The following TANC1 variants were observed in gnomAD, a reference collection of about 807,000 sequenced individuals.
TANC1 encodes protein TANC1.
In TANC1, 77 loss-of-function variants were observed where a neutral mutation model predicts 149.7. The observed-to-expected ratio is 0.51, with a 90% CI of 0.43 to 0.62. The LOEUF (loss-of-function observed/expected upper bound fraction) is 0.62. Ranked by LOEUF, TANC1 falls within the 20% of genes least tolerant of loss-of-function variation. The pLI, the probability that TANC1 is intolerant of heterozygous loss-of-function variation, is 0.00. For missense variants in TANC1, 1,985 were observed against 2,321.8 expected (o/e 0.85, Z 2.98); for synonymous variants, 854 against 925.0 (o/e 0.92, Z 1.39).
chr2:159,120,348 G>A (rs1400399077), intron 4 of TANC1, among the ~76,000 whole-genome samples: 1 of 152,104 alleles, frequency 6.6e-6, no homozygotes, highest in Non-Finnish European at 1.5e-5. Flanking sequence ...GGACTTGAGG[G>A]AGTAGTTTGT....
chr2:159,143,946 A>G (rs1392742690), intron 5 of TANC1, among the ~76,000 whole-genome samples: 2 of 151,838 alleles, frequency 1.3e-5, no homozygotes, highest in Non-Finnish European at 2.9e-5. Flanking sequence ...GAACTAACAT[A>G]CAGTTTAAAA....
chr2:159,158,852 CT>C (rs2053705655), intron 7 of TANC1, among the ~76,000 whole-genome samples: 1 of 152,184 alleles, frequency 6.6e-6, no homozygotes, highest in East Asian at 1.9e-4. Flanking sequence ...CGCATACCTC[CT>C]TGTGGACCCC....
chr2:159,035,973 G>A (rs895113172), intron 2 of TANC1, among the ~76,000 whole-genome samples: 1 of 152,220 alleles, frequency 6.6e-6, no homozygotes, highest in African/African-American at 2.4e-5. Flanking sequence ...CAGAGGGTCT[G>A]AGAGCGGGCA....
chr2:158,973,528 T>C (rs1335610080), intron 1 of TANC1, among the ~76,000 whole-genome samples: 1 of 152,248 alleles, frequency 6.6e-6, no homozygotes, highest in African/African-American at 2.4e-5. Context: ...ACATCCAGAA[T>C]TGGCCTTTTT....
intron 16 of TANC1, 105 bp downstream of exon 16, chr2:159,187,129 C>A: frequency 7.6e-7 from 1 of 1,318,200 alleles, no homozygotes; most frequent in South Asian, 1.4e-5. Flanking sequence ...GGTGAGAGGA[C>A]GCAGAGGAGC....
intron 14 of TANC1, 21 bp from the exon 15 acceptor site, chr2:159,185,770 C>G: frequency 6.3e-7 from 1 of 1,584,268 alleles, no homozygotes; most frequent in Non-Finnish European, 8.7e-7. Context: ...CTGCTGTGAG[C>G]CTTTGTATTC....
rs146778655 is a variant in TANC1 at position 159,104,981 on chromosome 2, C to CTTT, written c.259+7176_259+7178dup. Among the ~76,000 whole-genome samples, 9 of 43,386 alleles carry CTTT rather than the reference C, an allele frequency of 2.1e-4. 2 individuals are homozygous for CTTT. The highest frequency in any genetic ancestry group is 5.0e-4 in the African/African-American group (7 of 14,020). 28.5% of individuals were successfully genotyped at this position (43,386 alleles called of 152,430 possible). ...AACATTTCTGATTGTTGGATATTTG[C>CTTT]TTTTTTTTTTTTTTTTTTTTTTTTT... is the stretch of plus-strand genomic sequence containing the variant. On this transcript the variant is annotated intron_variant, in intron 4 of 26. Coordinates refer to ENST00000263635, the MANE Select transcript of TANC1 (RefSeq NM_033394.3).
At chr2:158,985,508 A>C (rs2034894612) in intron 1 of TANC1, among the ~76,000 whole-genome samples, 1 of 152,234 alleles carries the variant, frequency 6.6e-6, no homozygotes, top group African/African-American at 2.4e-5. Context: ...CAGCTTGAGC[A>C]GGAGCACAGA....
At chr2:158,983,139 T>C (rs1466087387) in intron 1 of TANC1, among the ~76,000 whole-genome samples, 4 of 152,250 alleles carry the variant, frequency 2.6e-5, no homozygotes, top group Admixed American at 1.3e-4. Flanking sequence ...CAGTTTTAGA[T>C]GGTGATTTAT....
chr2:159,217,244 G>A (rs896654114), intron 19 of TANC1, among the ~76,000 whole-genome samples: 2 of 152,160 alleles, frequency 1.3e-5, no homozygotes, highest in Non-Finnish European at 2.9e-5. Context: ...TCTCAGCATG[G>A]CATCCGAGCT....
At chr2:159,054,140 C>A (rs1429971564) in intron 2 of TANC1, among the ~76,000 whole-genome samples, 2 of 152,166 alleles carry the variant, frequency 1.3e-5, no homozygotes. Context: ...GCTGGTCTCT[C>A]TTCTTTTCAA....
rs766138889 is a variant in TANC1, at chr2:159,185,909, A to C, written c.2619+10A>C. 2 of 1,586,672 alleles carry C rather than the reference A, an allele frequency of 1.3e-6. No individual in the cohort carries two copies. Among genetic ancestry groups the C allele is most frequent in the Admixed American group, 1.7e-5 (1 of 59,942 alleles). ...GGCGCACATTTTCAAGGTGAGATGC[A>C]CACCAACTTGGGGAAGGGTTTCTTT... On this transcript the variant is annotated intron_variant, in intron 15 of 26. Transcript: ENST00000263635.
At chr2:159,136,027 TGTGTGTGTGTGTGTGTGTGTGTGCGCGC>T (rs1559325753) in intron 4 of TANC1, among the ~76,000 whole-genome samples, 139 bp from the exon 5 acceptor site, 1 of 104,958 alleles carries the variant, frequency 9.5e-6, no homozygotes, top group East Asian at 3.4e-4. Flanking sequence ...TGTGTGTGTG[TGTGTGTGTGTGTGTGTGTGTGTGCGCGC>T]GCGCGCGTTT....
rs745451727 is a variant in TANC1 at position 159,022,961 on chromosome 2, A to G, written c.-16+21772A>G. ...TACTATACCAGGTGCTGGGTGTGTG[A>G]TGATAAACAAATTAGGTCCCTTCCT... On this transcript the variant is annotated intron_variant, in intron 2 of 26. Transcript: ENST00000263635. Among the ~76,000 whole-genome samples, 6 of 152,272 alleles carry G rather than the reference A, an allele frequency of 3.9e-5. No homozygotes were observed. The East Asian group carries it at 9.6e-4, about 24-fold the overall frequency.
At chr2:159,035,067 C>T (rs1414920666) in intron 2 of TANC1, among the ~76,000 whole-genome samples, 1 of 152,126 alleles carries the variant, frequency 6.6e-6, no homozygotes, top group East Asian at 1.9e-4. Context: ...AGGCCCAGTG[C>T]TAGGCTTTAG....
intron 2 of TANC1, among the ~76,000 whole-genome samples, chr2:159,044,487 A>G (rs2040889920): frequency 6.6e-6 from 1 of 151,994 alleles, no homozygotes; most frequent in South Asian, 2.1e-4. Flanking sequence ...AATGTATATG[A>G]TCTATGTTCT....
Position 159,194,418 on chromosome 2 carries a change from C to G in TANC1, c.2904C>G (p.Gly968=), listed in dbSNP as rs901761186. 9.9e-6 allele frequency: 16 copies of G among 1,614,276 alleles called. No individual in the cohort carries two copies. Among genetic ancestry groups the G allele is most frequent in the Non-Finnish European group, 1.4e-5 (16 of 1,180,056 alleles). ...GACLDGTSEN[G]MTALCYAAAA... is the part of the protein sequence containing the mutation. ...GCCTGGACGGAACGTCAGAGAACGG[C>G]ATGACTGCCCTCTGTTACGCAGCAG... Residue 968 remains glycine, a synonymous_variant, in exon 17 of 27, where the codon GGC becomes GGG. Coordinates refer to ENST00000263635, the MANE Select transcript of TANC1 (RefSeq NM_033394.3).
chr2:159,007,310 C>G (rs1246173864), intron 2 of TANC1, among the ~76,000 whole-genome samples: 1 of 152,146 alleles, frequency 6.6e-6, no homozygotes, highest in African/African-American at 2.4e-5. Flanking sequence ...CCACAACCAA[C>G]TAATTTTGTA....
At chr2:159,043,300 ATCT>A (rs1370403930) in intron 2 of TANC1, among the ~76,000 whole-genome samples, 1 of 151,968 alleles carries the variant, frequency 6.6e-6, no homozygotes, top group Non-Finnish European at 1.5e-5. Flanking sequence ...TTCTATGGTC[ATCT>A]TCTTGGGAGG....
Sources: gnomAD v4.1 joint callset for allele counts (sites outside exome capture counted in the v4.1 genomes callset) on GRCh38, gnomAD v4.1.1 for gene constraint, MANE v1.5 for transcripts, NCBI Gene and HGNC (gene_info 2026-07-23, HGNC 2026-07-21) for gene names.